The following SMARCA4 variants were observed in gnomAD, a reference collection of about 807,000 sequenced individuals.
SMARCA4 encodes the protein SWI/SNF-related matrix-associated actin-dependent regulator of chromatin subfamily A member 4.
SMARCA4 carries 31 observed loss-of-function variants against 193.9 expected under a neutral mutation model. That is an observed-to-expected ratio of 0.16 (90% CI 0.12 to 0.22). The LOEUF (loss-of-function observed/expected upper bound fraction) is 0.22. SMARCA4 is among the 10% of genes least tolerant of loss of function. The pLI is 1.00. For missense variants in SMARCA4, 1,148 were observed against 2,296.0 expected (o/e 0.50, Z 10.22); for synonymous variants, 942 against 933.1 (o/e 1.01, Z -0.17).
In SMARCA4 at chr19:11,030,342, G is replaced by GT. The variant is rs1270227045; in HGVS notation, c.3383-387dup. On this transcript the variant is annotated intron_variant, in intron 24 of 34. Transcript: ENST00000344626. The surrounding 1 kb of genome is among the most constrained non-coding windows in gnomAD (Gnocchi z 5.5). Reference sequence around the variant, plus strand: ...GGCGGTGTTGCCGGCATTGGCCGCTGTGTCTTCCGCTCCCCATGGAATGGC... The same window carrying GT: ...GGCGGTGTTGCCGGCATTGGCCGCTGTTGTCTTCCGCTCCCCATGGAATGGC... Among the ~76,000 whole-genome samples the GT allele has an allele frequency of 1.3e-5, 2 of 152,236 alleles. No homozygotes were observed. The highest frequency in any genetic ancestry group is 4.8e-5 in the African/African-American group (2 of 41,462).
intron 7 of SMARCA4, among the ~76,000 whole-genome samples, chr19:10,990,943 A>G (rs148435476): frequency 2.8e-4 from 42 of 152,322 alleles, no homozygotes; most frequent in African/African-American, 8.4e-4. Context: ...GACCCCCTGG[A>G]TAGATGTCCA....
chr19:10,963,626 G>A (rs1172095142), intron 1 of SMARCA4, among the ~76,000 whole-genome samples: 1 of 152,108 alleles, frequency 6.6e-6, no homozygotes, highest in African/African-American at 2.4e-5. Flanking sequence ...CTCAAGCGAG[G>A]CGCTTAGCAG....
intron 30 of SMARCA4, among the ~76,000 whole-genome samples, chr19:11,044,241 T>C (rs1374640663): frequency 6.6e-6 from 1 of 152,126 alleles, no homozygotes; most frequent in Non-Finnish European, 1.5e-5. Flanking sequence ...GGACTGTGGA[T>C]GTAAGAACGT....
At chr19:10,999,687 GAC>G (rs2087441264) in intron 11 of SMARCA4, among the ~76,000 whole-genome samples, 1 of 152,012 alleles carries the variant, frequency 6.6e-6, no homozygotes, top group African/African-American at 2.4e-5. Flanking sequence ...AGGTTATACT[GAC>G]ACCTCCAATT....
At chr19:11,008,097 C>T (rs2146197442) in intron 14 of SMARCA4, 74 bp downstream of exon 14, 3 of 1,498,288 alleles carry the variant, frequency 2.0e-6, no homozygotes, top group Non-Finnish European at 2.7e-6. Context: ...GCTAGAATCC[C>T]AGCCATCCCT....
intron 1 of SMARCA4, among the ~76,000 whole-genome samples, chr19:10,966,813 G>A (rs1026944070): frequency 6.6e-5 from 10 of 151,836 alleles, no homozygotes; most frequent in Non-Finnish European, 1.3e-4. Context: ...GCTTGAACCC[G>A]GGAGGCCAAG....
Position 10,986,460 on chromosome 19 carries a change from G to A in SMARCA4, c.627G>A (p.Pro209=), listed in dbSNP as rs1388204648. The A allele has an allele frequency of 1.5e-5, 24 of 1,556,698 alleles. No individual in the cohort carries two copies. The highest frequency in any genetic ancestry group is 1.7e-5 in the Non-Finnish European group (19 of 1,151,206). ...AGATGGCGGTGCAGGGCAAGCGGCC[G>A]ATGCCCGGGATGCAGCAGCAGATGC... ...HLQMAVQGKR[P]MPGMQQQMPT... is the part of the protein sequence containing the mutation. The change falls in exon 4 of 35, where the codon CCG becomes CCA. Residue 209 remains proline, a synonymous_variant. Transcript: ENST00000344626. This position sits in a 1 kb window ranked among gnomAD's most constrained non-coding sequence, Gnocchi z 6.7.
chr19:11,007,282 T>G (rs1269375523), intron 13 of SMARCA4, among the ~76,000 whole-genome samples: 1 of 151,710 alleles, frequency 6.6e-6, no homozygotes, highest in Non-Finnish European at 1.5e-5. Context: ...ATACAAAAAT[T>G]AGCCAGGCAT....
intron 24 of SMARCA4, among the ~76,000 whole-genome samples, chr19:11,029,974 C>G (rs1449354695): frequency 6.6e-6 from 1 of 152,182 alleles, no homozygotes. Context: ...CCGCGCCCGG[C>G]CTGCCAGTTT....
At chr19:10,981,315 C>CCTGCAGACATACCCAT (rs2085534311) in intron 1 of SMARCA4, among the ~76,000 whole-genome samples, 1 of 152,222 alleles carries the variant, frequency 6.6e-6, no homozygotes, top group South Asian at 2.1e-4. Flanking sequence ...GCGCATCCTC[C>CCTGCAGACATACCCAT]CTGCAGACAT....
chr19:11,038,651 G>T (rs1330845106), intron 29 of SMARCA4, among the ~76,000 whole-genome samples: 1 of 152,150 alleles, frequency 6.6e-6, no homozygotes, highest in Admixed American at 6.5e-5. Flanking sequence ...TCCTTCCAAG[G>T]GTAGGGGAAA....
At chr19:11,017,386 G>A (rs184904188) in intron 16 of SMARCA4, among the ~76,000 whole-genome samples, 1 of 152,388 alleles carries the variant, frequency 6.6e-6, no homozygotes, top group Admixed American at 6.5e-5. Flanking sequence ...GAGGTTGTGA[G>A]GTGGGTGCTC....
At chr19:11,028,951 A>G (rs2090450838) in intron 24 of SMARCA4, among the ~76,000 whole-genome samples, 1 of 152,164 alleles carries the variant, frequency 6.6e-6, no homozygotes, top group African/African-American at 2.4e-5. Context: ...CCAGACCTCC[A>G]TACCCCTTGT....
chr19:11,017,507 G>A (rs1179401102), intron 16 of SMARCA4, among the ~76,000 whole-genome samples: 2 of 152,242 alleles, frequency 1.3e-5, no homozygotes, highest in African/African-American at 4.8e-5. Context: ...CGGCGTATGG[G>A]CATCCGGCTG....
intron 23 of SMARCA4, among the ~76,000 whole-genome samples, chr19:11,026,769 A>G (rs960367275): frequency 2.0e-5 from 3 of 152,048 alleles, no homozygotes; most frequent in Non-Finnish European, 2.9e-5. Flanking sequence ...AAAGTGCTGG[A>G]ATTACAGGTG....
chr19:11,019,536 G>A lies in SMARCA4; in HGVS notation c.2506-55G>A, dbSNP rs1384780623. 6 of 1,198,974 alleles carry A rather than the reference G, an allele frequency of 5.0e-6. No individual in the cohort carries two copies. The highest frequency in any genetic ancestry group is 7.3e-6 in the Non-Finnish European group (6 of 822,724). The allele number at this position is 1,198,974 out of a possible 1,614,324, so 74.3% of individuals were successfully genotyped here. ...TGCAGGGGGTGCCTGTGCCCCTCTT[G>A]CCACCTGGCCACCCGGCTCCAAAAG... On this transcript the variant is annotated intron_variant, in intron 17 of 34. Transcript: ENST00000344626. This position sits in a 1 kb window ranked among gnomAD's most constrained non-coding sequence, Gnocchi z 6.1.
intron 34 of SMARCA4, among the ~76,000 whole-genome samples, chr19:11,061,137 G>A (rs545160301): frequency 7.8e-4 from 114 of 145,996 alleles, no homozygotes; most frequent in East Asian, 6.3e-3. Flanking sequence ...GCAGTGAGCC[G>A]TGATAGCACC....
In SMARCA4 at chr19:10,961,070, C is replaced by G. The variant is rs1174921012; in HGVS notation, c.-136C>G. ...GCTTCCCCTCGTTTGGCGGCGGCGGCGGCTTCTTTGTTTCGTGAAGAGAAG... is the reference window on the plus strand; with the variant it reads ...GCTTCCCCTCGTTTGGCGGCGGCGGGGGCTTCTTTGTTTCGTGAAGAGAAG... On this transcript the variant is annotated 5_prime_UTR_variant, in exon 1 of 35. Coordinates refer to ENST00000344626, the MANE Select transcript of SMARCA4 (RefSeq NM_003072.5). The G allele has an allele frequency of 2.0e-5, 3 of 149,240 alleles. No homozygotes were observed. In the East Asian group the frequency reaches 5.9e-4, roughly 29 times the overall value. 9.2% of individuals were successfully genotyped at this position (149,240 alleles called of 1,614,324 possible).
At chr19:10,994,307 C>T (rs754376562) in intron 8 of SMARCA4, among the ~76,000 whole-genome samples, 9 of 144,508 alleles carry the variant, frequency 6.2e-5, no homozygotes, top group East Asian at 2.0e-4. Context: ...CCTCCCAAAG[C>T]GATATTCTAG....
Sources: allele counts gnomAD v4.1 joint callset (sites outside exome capture counted in the v4.1 genomes callset), GRCh38; gene constraint gnomAD v4.1.1; non-coding constraint Gnocchi (gnomAD v3.1); transcripts MANE v1.5; gene names NCBI Gene and HGNC (gene_info 2026-07-23, HGNC 2026-07-21).